MTCL1: variants seen among roughly 807,000 people sequenced by gnomAD.
The protein encoded by MTCL1 is microtubule cross-linking factor 1.
A neutral mutation model predicts 141.4 loss-of-function variants in MTCL1; 79 were observed. That is an observed-to-expected ratio of 0.56 (90% confidence interval 0.47 to 0.67). The LOEUF is 0.67. Ranked by LOEUF, MTCL1 falls within the 30% of genes least tolerant of loss-of-function variation. The pLI, the probability that MTCL1 is intolerant of heterozygous loss-of-function variation, is 0.00. For synonymous variants in MTCL1, 914 were observed against 875.8 expected, an observed-to-expected ratio of 1.04 and a Z score of -0.77; for missense variants, 2,177 against 2,113.9, an observed-to-expected ratio of 1.03 and a Z score of -0.59.
intron 4 of MTCL1, among the ~76,000 whole-genome samples, chr18:8,726,544 C>T (rs117035018): frequency 1.8e-5 from 2 of 114,098 alleles, no homozygotes; most frequent in South Asian, 2.6e-4. Context: ...CGCATGCGCG[C>T]GCGCAACAAG....
At chr18:8,767,335 T>G (rs1257039944) in intron 4 of MTCL1, among the ~76,000 whole-genome samples, 1 of 152,202 alleles carries the variant, frequency 6.6e-6, no homozygotes, top group Non-Finnish European at 1.5e-5. Context: ...AGATGATTTA[T>G]GGAACCAAGC....
chr18:8,784,322 C>A, exon 6 of MTCL1: 1 of 1,558,356 alleles, frequency 6.4e-7, no homozygotes, highest in South Asian at 1.2e-5. Flanking sequence ...GAGCCGCCTG[C>A]CCCAGCCCAA....
chr18:8,739,801 G>A (rs1228056298), intron 4 of MTCL1, among the ~76,000 whole-genome samples: 2 of 152,080 alleles, frequency 1.3e-5, no homozygotes, highest in South Asian at 2.1e-4. Flanking sequence ...GCCTGATCTC[G>A]GCTCACTGCA....
In MTCL1 at chr18:8,826,169, GC is replaced by G; in HGVS notation, c.4664del (p.Pro1555ArgfsTer26). On this transcript the variant is annotated frameshift_variant, in exon 15 of 17. Transcript: ENST00000359865. LOFTEE classifies it high-confidence loss of function. ...AGGAGAGGAGGCAGGCTGCCCACGG[GC>G]CCCCGGGTCTCCACAGTGACAGCCA... is the stretch of plus-strand genomic sequence containing the variant. The G allele has an allele frequency of 6.2e-7, 1 of 1,612,392 alleles. No individual in the cohort carries two copies. The highest frequency in any genetic ancestry group is 8.5e-7 in the Non-Finnish European group (1 of 1,179,498).
At chr18:8,813,327 C>T (rs2076548852) in intron 12 of MTCL1, 94 bp downstream of exon 11, 1 of 1,412,818 alleles carries the variant, frequency 7.1e-7, no homozygotes, top group African/African-American at 1.4e-5. Context: ...CTTCATGGTC[C>T]TTGCAGCATC....
intron 4 of MTCL1, among the ~76,000 whole-genome samples, chr18:8,744,758 AG>A (rs1227598856): frequency 6.6e-6 from 1 of 152,168 alleles, no homozygotes; most frequent in Non-Finnish European, 1.5e-5. Context: ...TAACCACCAC[AG>A]CCCCCTTTAT....
At chr18:8,706,398 A>T in exon 1 of MTCL1, 1 of 1,228,082 alleles carries the variant, frequency 8.1e-7, no homozygotes, top group Non-Finnish European at 1.0e-6. Context: ...GTGAACCCCC[A>T]CGAGGAGCGC....
At chr18:8,712,010 G>A (rs960066406) in intron 1 of MTCL1, among the ~76,000 whole-genome samples, 1 of 152,130 alleles carries the variant, frequency 6.6e-6, no homozygotes, top group Admixed American at 6.5e-5. Context: ...AGGCTTTTCA[G>A]GAGGATTTAA....
chr18:8,715,504 A>G (rs1034601407), upstream of MTCL1, among the ~76,000 whole-genome samples: 1 of 152,358 alleles, frequency 6.6e-6, no homozygotes, highest in Middle Eastern at 3.4e-3. Flanking sequence ...ATGTACATAT[A>G]CATATACAGA....
At chr18:8,804,102 A>AT (rs1290912951) in intron 10 of MTCL1, among the ~76,000 whole-genome samples, 2 of 152,214 alleles carry the variant, frequency 1.3e-5, no homozygotes, top group Non-Finnish European at 2.9e-5. Flanking sequence ...AAAAGCAGTG[A>AT]TTTTTAATTT....
At chr18:8,744,340 C>G (rs948062376) in intron 4 of MTCL1, among the ~76,000 whole-genome samples, 2 of 152,252 alleles carry the variant, frequency 1.3e-5, no homozygotes, top group African/African-American at 4.8e-5. Context: ...TCCAGAACTT[C>G]CTCTTTGAAA....
exon 15 of MTCL1, chr18:8,824,753 C>G: frequency 6.2e-7 from 1 of 1,614,124 alleles, no homozygotes; most frequent in Non-Finnish European, 8.5e-7. Flanking sequence ...ACATCTCCCC[C>G]TTCCTGCCTG....
At chr18:8,813,096 G>A (rs1241877649) in exon 12 of MTCL1, 1 of 1,614,218 alleles carries the variant, frequency 6.2e-7, no homozygotes, top group Non-Finnish European at 8.5e-7. Flanking sequence ...TCACAGCCTG[G>A]TCATGGACCT....
rs374364303 is a variant in MTCL1 at position 8,771,222 on chromosome 18, C to G, written c.358-6611C>G. Among the ~76,000 whole-genome samples, 239 of 152,268 alleles carry G rather than the reference C, an allele frequency of 1.6e-3. 2 individuals are homozygous for G. Among genetic ancestry groups the G allele is most frequent in the African/African-American group, 5.4e-3 (224 of 41,556 alleles). On this transcript the variant is annotated intron_variant, in intron 4 of 16. Coordinates refer to ENST00000359865, the Ensembl canonical transcript of MTCL1. ...CAGGCTACTCTTGAACTCCTGGCCTCAAATGATCCCCCTACCTCAGCCTCC... is the reference window on the plus strand; with the variant it reads ...CAGGCTACTCTTGAACTCCTGGCCTGAAATGATCCCCCTACCTCAGCCTCC...
Position 8,830,218 on chromosome 18 carries a change from G to C in MTCL1, c.*18+1254G>C. The C allele has an allele frequency of 1.0e-6, 1 of 985,728 alleles. No individual in the cohort carries two copies. Among genetic ancestry groups the C allele is most frequent in the South Asian group, 4.7e-5 (1 of 21,288 alleles). The allele number at this position is 985,728 out of a possible 1,614,324, so 61.1% of individuals were successfully genotyped here. ...CTGCATCTTGGTGGCTGGTGGCGCT[G>C]GTGGAGTTTTAACTGGAGAGGTATT... On this transcript the variant is annotated intron_variant, in intron 16 of 16. Transcript: ENST00000359865. This position sits in a 1 kb window ranked among gnomAD's most constrained non-coding sequence, Gnocchi z 6.4.
At position 8,830,867 on chromosome 18, in the gene MTCL1, C is replaced by G. The variant is rs945400456; in HGVS notation, c.*19-740C>G. On this transcript the variant is annotated intron_variant, in intron 16 of 16. Transcript: ENST00000359865. The surrounding 1 kb of genome is among the most constrained non-coding windows in gnomAD (Gnocchi z 6.4). ...ACAAAGTAGCTTGAGAATAAGGATT[C>G]TAGGTGATTTGCACATGGTTGAGTG... The G allele has an allele frequency of 8.1e-6, 8 of 985,348 alleles. No homozygotes were observed. The highest frequency in any genetic ancestry group is 9.6e-6 in the Non-Finnish European group (8 of 829,960). 61.0% of individuals were successfully genotyped at this position (985,348 alleles called of 1,614,324 possible). A position where few individuals can be genotyped will look rare whatever the true frequency, so the allele number is the denominator to read the frequency against.
chr18:8,725,485 A>C (rs532379761), intron 4 of MTCL1, among the ~76,000 whole-genome samples: 56 of 152,346 alleles, frequency 3.7e-4, no homozygotes, highest in East Asian at 2.1e-3. Flanking sequence ...ATACAACTAT[A>C]CAAAGGTTTT....
intron 4 of MTCL1, among the ~76,000 whole-genome samples, chr18:8,765,294 A>C (rs547085604): frequency 4.6e-5 from 7 of 152,342 alleles, no homozygotes; most frequent in Admixed American, 4.6e-4. Context: ...AAGCTGGGGC[A>C]ACTATGCCAG....
At chr18:8,783,356 G>C (rs1344119173) in intron 5 of MTCL1, among the ~76,000 whole-genome samples, 174 bp from the exon 5 acceptor site, 1 of 151,964 alleles carries the variant, frequency 6.6e-6, no homozygotes, top group Non-Finnish European at 1.5e-5. Context: ...CAAAGCCCCT[G>C]GGCCCACCTC....
Sources: allele counts gnomAD v4.1 joint callset (sites outside exome capture counted in the v4.1 genomes callset), GRCh38; gene constraint gnomAD v4.1.1; non-coding constraint Gnocchi (gnomAD v3.1); transcripts MANE v1.5; gene names NCBI Gene and HGNC (gene_info 2026-07-23, HGNC 2026-07-21).